Variants in BSDC1 observed in about 807,000 individuals in gnomAD.
The protein encoded by BSDC1 is BSD domain containing 1, also known as BSD domain-containing protein 1.
Under a neutral mutation model 56.0 loss-of-function variants are expected in BSDC1, and 29 were observed. That is an observed-to-expected ratio of 0.52 (90% confidence interval 0.39 to 0.71). BSDC1 has a LOEUF of 0.71. Among genes scored for constraint, BSDC1 ranks in the 30% least tolerant of loss-of-function variants. The pLI, the probability that BSDC1 is intolerant of heterozygous loss-of-function variation, is 0.00. For missense variants in BSDC1, 477 were observed against 548.5 expected, an observed-to-expected ratio of 0.87 and a Z score of 1.30; for synonymous variants, 210 against 215.3, an observed-to-expected ratio of 0.98 and a Z score of 0.21.
intron 2 of BSDC1, among the ~76,000 whole-genome samples, chr1:32,392,188 T>C (rs961899241): frequency 6.6e-6 from 1 of 151,782 alleles, no homozygotes; most frequent in African/African-American, 2.4e-5. Context: ...AAAAATTAGC[T>C]GGGCGTGGTG....
At chr1:32,389,423 T>C (rs1202094632) in intron 2 of BSDC1, among the ~76,000 whole-genome samples, 1 of 152,244 alleles carries the variant, frequency 6.6e-6, no homozygotes, top group African/African-American at 2.4e-5. Flanking sequence ...ATTTCAATTA[T>C]GTAACCACTT....
chr1:32,390,098 G>A (rs535820952), intron 2 of BSDC1, among the ~76,000 whole-genome samples: 2 of 152,318 alleles, frequency 1.3e-5, no homozygotes, highest in African/African-American at 4.8e-5. Flanking sequence ...GATAAAGCTG[G>A]AGAGGTTGCC....
intron 4 of BSDC1, 65 bp downstream of exon 4, chr1:32,383,765 A>C: frequency 6.6e-7 from 1 of 1,506,240 alleles, no homozygotes; most frequent in Non-Finnish European, 9.2e-7. Flanking sequence ...TTGTGAGTAC[A>C]GGATGGAAGT....
At chr1:32,372,695 T>G (rs1290290550) in intron 9 of BSDC1, among the ~76,000 whole-genome samples, 1 of 152,242 alleles carries the variant, frequency 6.6e-6, no homozygotes, top group Non-Finnish European at 1.5e-5. Flanking sequence ...ATGCTACAAT[T>G]TAAGACTTCA....
At position 32,378,208 on chromosome 1, in the gene BSDC1, A is replaced by G; in HGVS notation, c.597+7T>C. 6.2e-7 allele frequency: 1 copy of G among 1,614,164 alleles called. No homozygotes were observed. The highest frequency in any genetic ancestry group is 1.1e-5 in the South Asian group (1 of 91,084). On this transcript the variant is annotated splice_region_variant and intron_variant, in intron 7 of 10. Coordinates refer to ENST00000455895, the MANE Select transcript of BSDC1 (RefSeq NM_018045.8). The surrounding 1 kb of genome is among the most constrained non-coding windows in gnomAD (Gnocchi z 5.2). ...AGTGGGGACCTCCCCATGCTAGACCAGCATACCTGCTCTAACTGATGGACT... is the reference window on the plus strand; with the variant it reads ...AGTGGGGACCTCCCCATGCTAGACCGGCATACCTGCTCTAACTGATGGACT...
rs542311333 is a variant in BSDC1 at position 32,373,364 on chromosome 1, A to G, written c.1156+2898T>C. ...TAATTTCAATTCCATCCAGTCTCCA[A>G]CCACTACTGATTTTTTCTGATCACC... On this transcript the variant is annotated intron_variant, in intron 9 of 10. Transcript: ENST00000455895. Among the ~76,000 whole-genome samples the G allele has an allele frequency of 2.6e-5, 4 of 152,182 alleles. No homozygotes were observed. The South Asian group carries it at 8.3e-4, about 32-fold the overall frequency.
rs1452817658 is a variant in BSDC1 at position 32,376,143 on chromosome 1, T to A, written c.1156+119A>T. ...AGTCAATATATAGCAGCTGTCATCATTATCAGAAACGAAAAAAAATCTGCT... is the reference window on the plus strand; with the variant it reads ...AGTCAATATATAGCAGCTGTCATCAATATCAGAAACGAAAAAAAATCTGCT... On this transcript the variant is annotated intron_variant, in intron 9 of 10. Transcript: ENST00000455895. 8 of 1,156,506 alleles carry A rather than the reference T, an allele frequency of 6.9e-6. 1 individual carries two copies. In the Middle Eastern group the frequency reaches 9.8e-4, roughly 142 times the overall value. 71.6% of individuals were successfully genotyped at this position (1,156,506 alleles called of 1,614,324 possible). A position where few individuals can be genotyped will look rare whatever the true frequency, so the allele number is the denominator to read the frequency against.
Position 32,376,586 on chromosome 1 carries a change from CTGA to C in BSDC1, c.829_831del (p.Ser277del), listed in dbSNP as rs1316507694. 1 of 1,501,252 alleles carries C rather than the reference CTGA, an allele frequency of 6.7e-7. No individual in the cohort carries two copies. The highest frequency in any genetic ancestry group is 1.9e-5 in the Admixed American group (1 of 51,352). 93.0% of individuals were successfully genotyped at this position (1,501,252 alleles called of 1,614,324 possible). A position where few individuals can be genotyped will look rare whatever the true frequency, so the allele number is the denominator to read the frequency against. ...ACGAGGGAGATGCTCTCACTGCTCTCTGATGGAGTCACCTCTGCTGGGGGCTCA... is the reference window on the plus strand; with the variant it reads ...ACGAGGGAGATGCTCTCACTGCTCTCTGGAGTCACCTCTGCTGGGGGCTCA... On this transcript the variant is annotated inframe_deletion, in exon 9 of 11. Coordinates refer to ENST00000455895, the MANE Select transcript of BSDC1 (RefSeq NM_018045.8).
At chr1:32,386,739 G>A in intron 3 of BSDC1, 40 bp downstream of exon 3, 1 of 1,520,448 alleles carries the variant, frequency 6.6e-7, no homozygotes, top group Non-Finnish European at 9.1e-7. Flanking sequence ...AGGACAGGTT[G>A]CGAGGGGCAG....
chr1:32,374,086 G>A (rs373885292), intron 9 of BSDC1, among the ~76,000 whole-genome samples: 30 of 152,102 alleles, frequency 2.0e-4, no homozygotes, highest in South Asian at 8.3e-4. Context: ...ATATTTACTG[G>A]GTGGGTCACT....
chr1:32,375,160 C>A (rs952103698), intron 9 of BSDC1, among the ~76,000 whole-genome samples: 5 of 151,522 alleles, frequency 3.3e-5, no homozygotes, highest in Admixed American at 6.6e-5. Context: ...AAAAAAAAAA[C>A]AATAAAAACC....
chr1:32,380,842 G>A (rs1171454296), intron 5 of BSDC1, among the ~76,000 whole-genome samples: 1 of 152,134 alleles, frequency 6.6e-6, no homozygotes, highest in Non-Finnish European at 1.5e-5. Context: ...TTCCTGGAGG[G>A]TTGGACTAGG....
In BSDC1 at chr1:32,378,633, G is replaced by A; in HGVS notation, c.528+91C>T. The A allele has an allele frequency of 1.1e-6, 1 of 932,578 alleles. No homozygotes were observed. The highest frequency in any genetic ancestry group is 1.6e-6 in the Non-Finnish European group (1 of 634,188). 57.8% of individuals were successfully genotyped at this position (932,578 alleles called of 1,614,324 possible). On this transcript the variant is annotated intron_variant, in intron 6 of 10. Transcript: ENST00000455895. The surrounding 1 kb of genome is among the most constrained non-coding windows in gnomAD (Gnocchi z 5.2). ...GAGCCTCCCAGTGCTCTCCGGGCCA[G>A]ATGACTCTGCAGTGACTCTGAACAT...
rs766684177 is a variant in BSDC1, at chr1:32,384,087, C to T, written c.190-90G>A. 3.2e-5 allele frequency: 50 copies of T among 1,580,542 alleles called. No homozygotes were observed. In the African/African-American group the frequency reaches 3.6e-4, roughly 12 times the overall value. On this transcript the variant is annotated intron_variant, in intron 3 of 10. Coordinates refer to ENST00000455895, the MANE Select transcript of BSDC1 (RefSeq NM_018045.8). ...GTAAAACATTGGGGCAAAGGTGTACCGTGTGTTGGGGGACCAGGGAAGCGC... is the reference window on the plus strand; with the variant it reads ...GTAAAACATTGGGGCAAAGGTGTACTGTGTGTTGGGGGACCAGGGAAGCGC...
In BSDC1 at chr1:32,378,786, T is replaced by C. The variant is rs1570132446; in HGVS notation, c.466A>G (p.Lys156Glu). ...WLSQFCLEEK[K>E]GEISELLVGS... ...ACAAGGAGCTCTGAGATCTCCCCCT[T>C]CTTCTCCTCCAAGCAGAACTGGGAA... is the stretch of plus-strand genomic sequence containing the variant. The change falls in exon 6 of 11, where the codon AAG becomes GAG. Residue 156 changes from lysine to glutamate, a missense_variant. By Grantham distance (56) the Lys-to-Glu change is moderately conservative. Transcript: ENST00000455895. The surrounding 1 kb of genome is among the most constrained non-coding windows in gnomAD (Gnocchi z 5.2). The C allele has an allele frequency of 6.4e-7, 1 of 1,553,122 alleles. No homozygotes were observed. Among genetic ancestry groups the C allele is most frequent in the East Asian group, 2.4e-5 (1 of 41,202 alleles).
In BSDC1 at chr1:32,378,087, C is replaced by A; in HGVS notation, c.598-39G>T. 2 of 1,596,896 alleles carry A rather than the reference C, an allele frequency of 1.3e-6. No individual in the cohort carries two copies. Among genetic ancestry groups the A allele is most frequent in the Non-Finnish European group, 1.7e-6 (2 of 1,169,810 alleles). On this transcript the variant is annotated intron_variant, in intron 7 of 10. Coordinates refer to ENST00000455895, the MANE Select transcript of BSDC1 (RefSeq NM_018045.8). This position sits in a 1 kb window ranked among gnomAD's most constrained non-coding sequence, Gnocchi z 5.2. ...AGCAGAAGGCCACAGGCAGTCAGGG[C>A]ACCCTCTTCCTAGACCCTGGTCCTG...
chr1:32,368,024 CT>C, intron 10 of BSDC1: 3 of 1,182,046 alleles, frequency 2.5e-6, no homozygotes, highest in Non-Finnish European at 3.1e-6. Context: ...TGTCTGTTTT[CT>C]TTTTTCCTTT....
At chr1:32,385,811 T>C (rs185808023) in intron 3 of BSDC1, among the ~76,000 whole-genome samples, 31 of 152,294 alleles carry the variant, frequency 2.0e-4, no homozygotes, top group Admixed American at 7.2e-4. Context: ...TTTGAGTAGA[T>C]AGTAAAAGGC....
intron 3 of BSDC1, among the ~76,000 whole-genome samples, chr1:32,385,174 T>C (rs961060307): frequency 2.0e-5 from 3 of 152,210 alleles, no homozygotes; most frequent in African/African-American, 7.2e-5. Flanking sequence ...CACTGGAAAC[T>C]TCAGAACTTT....
Sources: gnomAD v4.1 joint callset for allele counts (sites outside exome capture counted in the v4.1 genomes callset) on GRCh38, gnomAD v4.1.1 for gene constraint, Gnocchi (gnomAD v3.1) non-coding constraint, MANE v1.5 for transcripts, NCBI Gene and HGNC (gene_info 2026-07-23, HGNC 2026-07-21) for gene names.